FIBCD1: variants seen among roughly 807,000 people sequenced by gnomAD.
FIBCD1 encodes fibrinogen C domain containing 1, also known as fibrinogen C domain-containing protein 1.
In FIBCD1, 47 loss-of-function variants were observed where a neutral mutation model predicts 45.1. The ratio of observed to expected loss-of-function variants is 1.04; its 90% CI spans 0.82 to 1.33. The LOEUF is 1.33. Ranked by LOEUF, FIBCD1 falls within the 40% of genes most tolerant of loss-of-function variation. The probability of loss-of-function intolerance (pLI) is 0.00; values close to 1 mark genes in which losing one functional copy is unlikely to be tolerated. For missense variants in FIBCD1, 653 were observed against 682.2 expected (o/e 0.96, Z 0.48); for synonymous variants, 313 against 308.1 (o/e 1.02, Z -0.17).
intron 5 of FIBCD1, among the ~76,000 whole-genome samples, chr9:130,906,566 G>C (rs1831932447): frequency 6.6e-6 from 1 of 152,188 alleles, no homozygotes; most frequent in African/African-American, 2.4e-5. Context: ...CATGGGCTTT[G>C]ACAGCCTAGG....
At chr9:130,919,339 G>A (rs532078788) in intron 4 of FIBCD1, among the ~76,000 whole-genome samples, 6 of 152,322 alleles carry the variant, frequency 3.9e-5, no homozygotes, top group Middle Eastern at 3.4e-3. Flanking sequence ...AGGCAGTAGC[G>A]TGGGGACACT....
intron 1 of FIBCD1, among the ~76,000 whole-genome samples, chr9:130,930,307 T>G (rs1588112929): frequency 1.4e-5 from 2 of 145,428 alleles, no homozygotes; most frequent in Non-Finnish European, 3.0e-5. Context: ...AGAGGGGAGG[T>G]GGAGACATAG....
Position 130,914,742 on chromosome 9 carries a change from G to A in FIBCD1, c.850-2854C>T, listed in dbSNP as rs927441997. On this transcript the variant is annotated intron_variant, in intron 4 of 6. Coordinates refer to ENST00000372338, the MANE Select transcript of FIBCD1 (RefSeq NM_032843.5). ...CAGCGCTCACTCCCACCACTGGGAC[G>A]CCTGGAACCAATGCTGCCATTTACG... Among the ~76,000 whole-genome samples the A allele has an allele frequency of 3.3e-5, 5 of 152,112 alleles. No homozygotes were observed. In the East Asian group the frequency reaches 7.7e-4, roughly 23 times the overall value.
In FIBCD1 at chr9:130,918,872, C is replaced by A. The variant is rs149011248; in HGVS notation, c.849+4872G>T. On this transcript the variant is annotated intron_variant, in intron 4 of 6. Coordinates refer to ENST00000372338, the MANE Select transcript of FIBCD1 (RefSeq NM_032843.5). Reference sequence around the variant, plus strand: ...GTCTGTTTCTCTCTGCATAAGCCCGCGCAGGGCCGGTGGGGAAGAGGCAAT... The same window carrying A: ...GTCTGTTTCTCTCTGCATAAGCCCGAGCAGGGCCGGTGGGGAAGAGGCAAT... Among the ~76,000 whole-genome samples, 124 of 152,340 alleles carry A rather than the reference C, an allele frequency of 8.1e-4. 1 individual carries two copies. The highest frequency in any genetic ancestry group is 2.5e-3 in the African/African-American group (106 of 41,578).
In FIBCD1 at chr9:130,911,392, C is replaced by T. The variant is rs1275869259; in HGVS notation, c.946+400G>A. On this transcript the variant is annotated intron_variant, in intron 5 of 6. Coordinates refer to ENST00000372338, the MANE Select transcript of FIBCD1 (RefSeq NM_032843.5). Reference sequence around the variant, plus strand: ...ACTGGCCACTCTTGGGAGTTCCATGCCTGGTGTCCCTGGCACCCTTGGGCA... The same window carrying T: ...ACTGGCCACTCTTGGGAGTTCCATGTCTGGTGTCCCTGGCACCCTTGGGCA... Among the ~76,000 whole-genome samples the T allele has an allele frequency of 6.6e-5, 10 of 152,338 alleles. No individual in the cohort carries two copies. The East Asian group carries it at 1.9e-3, about 29-fold the overall frequency.
At chr9:130,924,547 C>T (rs1235426669) in intron 2 of FIBCD1, 151 bp from the exon 3 acceptor site, 1 of 754,520 alleles carries the variant, frequency 1.3e-6, no homozygotes. Flanking sequence ...CCTTGGGTCC[C>T]TGTCCAAGGT....
In FIBCD1 at chr9:130,911,879, G is replaced by A. The variant is rs751954546; in HGVS notation, c.859C>T (p.Arg287Cys). 13 of 1,579,952 alleles carry A rather than the reference G, an allele frequency of 8.2e-6. No homozygotes were observed. The highest frequency in any genetic ancestry group is 1.7e-4 in the Middle Eastern group (1 of 5,758). The change falls in exon 5 of 7, where the codon CGC (arginine) becomes TGC (cysteine). Residue 287 changes from arginine (R) to cysteine (C), a missense_variant. Coordinates refer to ENST00000372338, the MANE Select transcript of FIBCD1 (RefSeq NM_032843.5). ...TDGGGWTVFQ[R>C]REDGSVNFFR... Reference sequence around the variant, plus strand: ...AAGTTCACGGAGCCGTCCTCCCGGCGCTGAAACACCTGCAAAGGGAAGATG... The same window carrying A: ...AAGTTCACGGAGCCGTCCTCCCGGCACTGAAACACCTGCAAAGGGAAGATG...
chr9:130,910,672 T>C (rs975501463), intron 5 of FIBCD1, among the ~76,000 whole-genome samples: 4 of 152,152 alleles, frequency 2.6e-5, no homozygotes, highest in African/African-American at 9.7e-5. Flanking sequence ...AGCTCAAGGT[T>C]TGTAAACACA....
At chr9:130,932,455 C>T (rs936789524) in intron 1 of FIBCD1, among the ~76,000 whole-genome samples, 4 of 152,238 alleles carry the variant, frequency 2.6e-5, no homozygotes, top group African/African-American at 4.8e-5. Context: ...CCGGGCTCCA[C>T]GCATCAAGAC....
Position 130,929,792 on chromosome 9 carries a change from C to G in FIBCD1, c.327G>C (p.Glu109Asp). Reference sequence around the variant, plus strand: ...CCTGCAGCACCGAGGCCTGGGCGCTCTCCAGGCGTGCGAAGCTGTCGGTGA... The same window carrying G: ...CCTGCAGCACCGAGGCCTGGGCGCTGTCCAGGCGTGCGAAGCTGTCGGTGA... ...PDLTDSFARL[E>D]SAQASVLQAL... is the part of the protein sequence containing the mutation. Residue 109 changes from glutamate (E) to aspartate (D), a missense_variant, in exon 2 of 7, where the codon GAG (glutamate) becomes GAC (aspartate). Coordinates refer to ENST00000372338, the MANE Select transcript of FIBCD1 (RefSeq NM_032843.5). 1 of 1,553,584 alleles carries G rather than the reference C, an allele frequency of 6.4e-7. No homozygotes were observed. The highest frequency in any genetic ancestry group is 8.7e-7 in the Non-Finnish European group (1 of 1,148,764).
intron 5 of FIBCD1, among the ~76,000 whole-genome samples, chr9:130,905,754 G>T (rs1170529885): frequency 6.6e-6 from 1 of 152,212 alleles, no homozygotes; most frequent in Non-Finnish European, 1.5e-5. Context: ...GAGCCAGACA[G>T]ACAGGATCTG....
chr9:130,905,448 G>A (rs1482717488), intron 5 of FIBCD1, 35 bp from the exon 6 acceptor site: 2 of 1,590,516 alleles, frequency 1.3e-6, no homozygotes, highest in Non-Finnish European at 1.7e-6. Context: ...GAGAAGCTGA[G>A]GGGCGTAGGA....
intron 1 of FIBCD1, among the ~76,000 whole-genome samples, chr9:130,937,471 G>A (rs1165425220): frequency 2.6e-5 from 4 of 152,186 alleles, no homozygotes; most frequent in Non-Finnish European, 5.9e-5. Flanking sequence ...ACCGCAGAGG[G>A]CTGGGCCCTT....
In FIBCD1 at chr9:130,923,757, C is replaced by T. The variant is rs1211755828; in HGVS notation, c.836G>A (p.Gly279Asp). 29 of 1,612,358 alleles carry T rather than the reference C, an allele frequency of 1.8e-5. No individual in the cohort carries two copies. Among genetic ancestry groups the T allele is most frequent in the Non-Finnish European group, 2.4e-5 (28 of 1,179,882 alleles). Residue 279 changes from glycine (G) to aspartate (D), a missense_variant, in exon 4 of 7, where the codon GGC becomes GAC. Physicochemically the swap from Gly to Asp is moderately conservative, Grantham distance 94. Coordinates refer to ENST00000372338, the MANE Select transcript of FIBCD1 (RefSeq NM_032843.5). ...FQVYCDMRTD[G>D]GGWTVFQRRE... is the part of the protein sequence containing the mutation. ...TGGGACACTCACCGTCCAGCCGCCGCCGTCCGTGCGCATGTCACAGTACAC... is the reference window on the plus strand; with the variant it reads ...TGGGACACTCACCGTCCAGCCGCCGTCGTCCGTGCGCATGTCACAGTACAC...
chr9:130,934,387 T>C (rs1038528026), intron 1 of FIBCD1, among the ~76,000 whole-genome samples: 1 of 152,166 alleles, frequency 6.6e-6, no homozygotes, highest in South Asian at 2.1e-4. Flanking sequence ...GGAACCGCCA[T>C]ACCGCTGGGG....
At position 130,904,097 on chromosome 9, in the gene FIBCD1, C is replaced by T. The variant is rs1831882004; in HGVS notation, c.1353G>A (p.Glu451=). The part of the protein sequence containing the change: ...TGWQYSLKFS[E]MKIRPVREDR ...CCTCCCGGACCGGCCGGATCTTCAT[C>T]TCAGAGAACTTGAGTGAGTACTGCC... The change falls in exon 7 of 7, where the codon GAG becomes GAA. Residue 451 remains glutamate, a synonymous_variant. Transcript: ENST00000372338. The T allele has an allele frequency of 6.2e-7, 1 of 1,613,054 alleles. No individual in the cohort carries two copies. The highest frequency in any genetic ancestry group is 2.2e-5 in the East Asian group (1 of 44,882).
intron 6 of FIBCD1, among the ~76,000 whole-genome samples, chr9:130,904,526 G>T (rs191968576): frequency 6.6e-6 from 1 of 152,268 alleles, no homozygotes; most frequent in Admixed American, 6.5e-5. Context: ...CAGCTCACAC[G>T]CACGCAGTCC....
intron 5 of FIBCD1, among the ~76,000 whole-genome samples, chr9:130,906,138 C>T (rs908593033): frequency 8.6e-5 from 13 of 152,034 alleles, no homozygotes; most frequent in Non-Finnish European, 4.4e-5. Flanking sequence ...CGGCTCTGTG[C>T]CCCCATCCTA....
chr9:130,931,508 AAAAAAAC>A (rs369896228), intron 1 of FIBCD1, among the ~76,000 whole-genome samples: 2,492 of 152,196 alleles, frequency 0.016, 64 homozygotes, highest in African/African-American at 0.052. Context: ...ACTCCGTCTC[AAAAAAAC>A]AAAAAACAAA....
Sources: gnomAD v4.1 joint callset for allele counts (sites outside exome capture counted in the v4.1 genomes callset) on GRCh38, gnomAD v4.1.1 for gene constraint, MANE v1.5 for transcripts, NCBI Gene and HGNC (gene_info 2026-07-23, HGNC 2026-07-21) for gene names.